The following FRMD4B variants were observed in gnomAD, a reference collection of about 807,000 sequenced individuals.
FRMD4B encodes the protein FERM domain containing 4B.
A neutral mutation model predicts 141.5 loss-of-function variants in FRMD4B; 74 were observed. The ratio of observed to expected loss-of-function variants is 0.52; its 90% CI spans 0.43 to 0.63. The LOEUF (loss-of-function observed/expected upper bound fraction) is 0.63. Ranked by LOEUF, FRMD4B falls within the 30% of genes least tolerant of loss-of-function variation. FRMD4B has a pLI of 0.00. For missense variants in FRMD4B, 1,366 were observed against 1,253.4 expected (o/e 1.09, Z -1.36); for synonymous variants, 506 against 467.9 (o/e 1.08, Z -1.05).
At chr3:69,390,616 G>A (rs1005308434), upstream of FRMD4B, among the ~76,000 whole-genome samples, 1 of 152,078 alleles carries the variant, frequency 6.6e-6, no homozygotes, top group Non-Finnish European at 1.5e-5. Flanking sequence ...ACCCTGGCCA[G>A]GCACGGTGGC....
intron 4 of FRMD4B, among the ~76,000 whole-genome samples, chr3:69,291,787 T>C (rs1253153735): frequency 6.6e-6 from 1 of 152,210 alleles, no homozygotes; most frequent in African/African-American, 2.4e-5. Flanking sequence ...TCTTTGTCAA[T>C]TCAGTTTTCC....
At chr3:69,457,029 C>T (rs1283495203) in intron 1 of FRMD4B, among the ~76,000 whole-genome samples, 3 of 152,052 alleles carry the variant, frequency 2.0e-5, no homozygotes, top group Admixed American at 1.3e-4. Flanking sequence ...AATTCACATA[C>T]ACACACACAA....
chr3:69,411,847 T>C (rs1704766529), intron 2 of FRMD4B, among the ~76,000 whole-genome samples: 1 of 152,222 alleles, frequency 6.6e-6, no homozygotes. Flanking sequence ...AACAATTATC[T>C]ATATCAAATC....
At chr3:69,493,688 T>C (rs1214932808) in intron 1 of FRMD4B, among the ~76,000 whole-genome samples, 1 of 151,754 alleles carries the variant, frequency 6.6e-6, no homozygotes, top group Non-Finnish European at 1.5e-5. Flanking sequence ...TTTAGAATTC[T>C]CTCTCTCTCT....
intron 4 of FRMD4B, chr3:69,293,090 C>T (rs1263114246): frequency 1.1e-5 from 5 of 444,566 alleles, no homozygotes; most frequent in Non-Finnish European, 2.2e-5. Context: ...CTTAACCACT[C>T]ATTAGTGATG....
chr3:69,292,120 G>C (rs1336585879), intron 4 of FRMD4B, among the ~76,000 whole-genome samples: 2 of 152,094 alleles, frequency 1.3e-5, no homozygotes, highest in East Asian at 3.9e-4. Context: ...ATGATATAAT[G>C]CTTTCCTACA....
chr3:69,443,871 G>A (rs1353803398), intron 1 of FRMD4B, among the ~76,000 whole-genome samples: 1 of 152,248 alleles, frequency 6.6e-6, no homozygotes, highest in Non-Finnish European at 1.5e-5. Flanking sequence ...TGTAGGCACA[G>A]TTAAAACAAT....
chr3:69,432,502 A>G (rs1705197010), intron 2 of FRMD4B: 2 of 152,326 alleles, frequency 1.3e-5, no homozygotes, highest in South Asian at 4.1e-4. Context: ...GCCATATCAT[A>G]TATCATATAA....
chr3:69,447,742 T>C (rs1041928012), intron 1 of FRMD4B, among the ~76,000 whole-genome samples: 2 of 152,362 alleles, frequency 1.3e-5, no homozygotes, highest in African/African-American at 4.8e-5. Flanking sequence ...TGATCTGCTC[T>C]CTGACATTAC....
intron 5 of FRMD4B, 191 bp from the exon 6 acceptor site, chr3:69,250,290 CGTGTGTGTGTGT>C (rs10526962): frequency 3.1e-5 from 13 of 418,738 alleles, no homozygotes; most frequent in Admixed American, 1.2e-4. Flanking sequence ...ACTGTGTGTG[CGTGTGTGTGTGT>C]GTGTGTGTGT....
At chr3:69,470,531 G>A (rs6809340) in intron 1 of FRMD4B, among the ~76,000 whole-genome samples, 95,371 of 151,998 alleles carry the variant, frequency 0.63, 31,065 homozygotes, top group African/African-American at 0.81. Flanking sequence ...GTTTTATTTA[G>A]AAAGAAGAAA....
intron 8 of FRMD4B, 87 bp from the exon 9 acceptor site, chr3:69,222,010 A>T (rs975200628): frequency 1.3e-6 from 1 of 755,666 alleles, no homozygotes; most frequent in Admixed American, 2.1e-5. Context: ...GGCTGTCAGG[A>T]AACTTGAGAG....
At chr3:69,495,154 T>C (rs1559545024) in intron 1 of FRMD4B, among the ~76,000 whole-genome samples, 1 of 152,140 alleles carries the variant, frequency 6.6e-6, no homozygotes, top group East Asian at 1.9e-4. Context: ...AGTTCCCTAA[T>C]AAACTACAAC....
In FRMD4B at chr3:69,170,014, A is replaced by G. The variant is rs2092568047; in HGVS notation, c.*1847T>C. 1 of 152,238 alleles carries G rather than the reference A, an allele frequency of 6.6e-6. No homozygotes were observed. The highest frequency in any genetic ancestry group is 2.4e-5 in the African/African-American group (1 of 41,466). 9.4% of individuals were successfully genotyped at this position (152,238 alleles called of 1,614,324 possible). On this transcript the variant is annotated 3_prime_UTR_variant, in exon 23 of 23. Coordinates refer to ENST00000398540, the MANE Select transcript of FRMD4B (RefSeq NM_015123.3). ...ATTTCATCAATTCTAAGGCAACTTT[A>G]TTGTAAGACACAGCATTATTTTTAA...
chr3:69,435,435 T>C (rs1345307902), intron 1 of FRMD4B, among the ~76,000 whole-genome samples: 1 of 152,228 alleles, frequency 6.6e-6, no homozygotes, highest in African/African-American at 2.4e-5. Context: ...CACAAGACTA[T>C]GCTTGCCAGT....
At chr3:69,350,534 C>G (rs1056182757) in intron 1 of FRMD4B, among the ~76,000 whole-genome samples, 3 of 152,014 alleles carry the variant, frequency 2.0e-5, no homozygotes, top group African/African-American at 7.3e-5. Flanking sequence ...TGTATGTTTA[C>G]TGTGACACTA....
intron 2 of FRMD4B, among the ~76,000 whole-genome samples, chr3:69,429,063 GTTAC>G (rs1488077707): frequency 6.7e-6 from 1 of 149,272 alleles, no homozygotes; most frequent in Non-Finnish European, 1.5e-5. Flanking sequence ...TTTTCCCTCT[GTTAC>G]TTAATACCTT....
At chr3:69,420,132 C>T (rs974287051) in intron 2 of FRMD4B, among the ~76,000 whole-genome samples, 1 of 152,108 alleles carries the variant, frequency 6.6e-6, no homozygotes, top group Non-Finnish European at 1.5e-5. Context: ...GCTGGGATTA[C>T]AGGCATGAGC....
rs752786159 is a variant in FRMD4B at position 69,218,394 on chromosome 3, T to C, written c.732-15A>G. ...TTTTCATATACCTATGGAAAATAAA[T>C]ATGTATCACAATCTTATTAAAATAG... On this transcript the variant is annotated splice_polypyrimidine_tract_variant and intron_variant, in intron 9 of 22. Transcript: ENST00000398540. The C allele has an allele frequency of 8.2e-6, 10 of 1,219,832 alleles. No individual in the cohort carries two copies. The highest frequency in any genetic ancestry group is 1.5e-5 in the African/African-American group (1 of 66,962). 75.6% of individuals were successfully genotyped at this position (1,219,832 alleles called of 1,614,324 possible). A position where few individuals can be genotyped will look rare whatever the true frequency, so the allele number is the denominator to read the frequency against.
Sources: gnomAD v4.1 joint callset for allele counts (sites outside exome capture counted in the v4.1 genomes callset) on GRCh38, gnomAD v4.1.1 for gene constraint, MANE v1.5 for transcripts, NCBI Gene and HGNC (gene_info 2026-07-23, HGNC 2026-07-21) for gene names.